The following SAMD13 variants were observed in gnomAD, a reference collection of about 807,000 sequenced individuals.
SAMD13 encodes sterile alpha motif domain-containing protein 13.
In SAMD13, 9 loss-of-function variants were observed where a neutral mutation model predicts 12.4. The observed-to-expected ratio is 0.72, with a 90% CI of 0.44 to 1.26. The LOEUF (loss-of-function observed/expected upper bound fraction) is 1.26. Among genes scored for constraint, SAMD13 ranks in the 50% most tolerant of loss-of-function variants. The pLI is 0.00. For synonymous variants in SAMD13, 46 were observed against 45.4 expected (o/e 1.01, Z -0.05); for missense variants, 84 against 119.6 (o/e 0.70, Z 1.39).
At chr1:84,335,781 T>A (rs921262816) in intron 3 of SAMD13, among the ~76,000 whole-genome samples, 8 of 152,282 alleles carry the variant, frequency 5.3e-5, no homozygotes, top group African/African-American at 1.2e-4. Flanking sequence ...CTGAAAAGGA[T>A]CTTATTTCTC....
At chr1:84,316,822 A>G (rs183581241) in intron 2 of SAMD13, among the ~76,000 whole-genome samples, 1 of 152,246 alleles carries the variant, frequency 6.6e-6, no homozygotes, top group African/African-American at 2.4e-5. Flanking sequence ...AATTATAACA[A>G]TATTAAATCT....
At chr1:84,349,525 G>C in intron 3 of SAMD13, 106 bp from the exon 4 acceptor site, 1 of 1,495,150 alleles carries the variant, frequency 6.7e-7, no homozygotes, top group East Asian at 2.3e-5. Context: ...AATGTTTTTA[G>C]CTTGGGCACA....
chr1:84,342,324 C>T (rs1473481545), intron 3 of SAMD13, among the ~76,000 whole-genome samples: 1 of 152,028 alleles, frequency 6.6e-6, no homozygotes, highest in Non-Finnish European at 1.5e-5. Context: ...CATTGAAAGA[C>T]CCTTCACAGA....
chr1:84,303,638 A>C (rs1035285505), intron 2 of SAMD13: 1 of 172,198 alleles, frequency 5.8e-6, no homozygotes, highest in Non-Finnish European at 1.3e-5. Flanking sequence ...ATAGAGTTCA[A>C]ATTTTTTTTT....
intron 3 of SAMD13, among the ~76,000 whole-genome samples, chr1:84,347,823 A>G (rs1679564614): frequency 6.6e-6 from 1 of 152,182 alleles, no homozygotes; most frequent in Admixed American, 6.5e-5. Flanking sequence ...ACTAATCAGC[A>G]ATCTCTAGGA....
At position 84,311,491 on chromosome 1, in the gene SAMD13, A is replaced by G. The variant is rs1172486614; in HGVS notation, c.53+8204A>G. Among the ~76,000 whole-genome samples the G allele has an allele frequency of 3.3e-5, 5 of 152,342 alleles. No individual in the cohort carries two copies. In the East Asian group the frequency reaches 9.6e-4, roughly 29 times the overall value. On this transcript the variant is annotated intron_variant, in intron 2 of 3. Coordinates refer to ENST00000394834, the MANE Select transcript of SAMD13 (RefSeq NM_001134663.2). ...CAACGTGCATTGGCAAAGAACACAG[A>G]TTATTACATTCACTGTCTTCTATTT... is the stretch of plus-strand genomic sequence containing the variant.
At chr1:84,310,265 A>AG (rs1678680627) in intron 2 of SAMD13, among the ~76,000 whole-genome samples, 1 of 152,136 alleles carries the variant, frequency 6.6e-6, no homozygotes, top group Admixed American at 6.6e-5. Flanking sequence ...CACTTATAGT[A>AG]GGGGGGTTCA....
intron 3 of SAMD13, among the ~76,000 whole-genome samples, chr1:84,331,684 T>G (rs1679189993): frequency 6.6e-6 from 1 of 152,104 alleles, no homozygotes; most frequent in African/African-American, 2.4e-5. Flanking sequence ...ATGCTAGCAA[T>G]AAGAAAGCAG....
At chr1:84,311,262 G>C (rs1678702997) in intron 2 of SAMD13, among the ~76,000 whole-genome samples, 1 of 150,950 alleles carries the variant, frequency 6.6e-6, no homozygotes, top group Non-Finnish European at 1.5e-5. Context: ...CTTGAACCCA[G>C]GAGGCAGAGG....
chr1:84,346,858 A>G (rs1295447215), intron 3 of SAMD13, among the ~76,000 whole-genome samples: 2 of 152,226 alleles, frequency 1.3e-5, no homozygotes, highest in African/African-American at 4.8e-5. Context: ...GAGCCTAAAT[A>G]GGAACATGCC....
At chr1:84,337,489 G>T (rs569458016) in intron 3 of SAMD13, among the ~76,000 whole-genome samples, 1 of 152,270 alleles carries the variant, frequency 6.6e-6, no homozygotes, top group African/African-American at 2.4e-5. Flanking sequence ...GCTCTACATT[G>T]GTCCCTTTCA....
upstream of SAMD13, among the ~76,000 whole-genome samples, chr1:84,300,643 T>C (rs1678435920): frequency 6.6e-6 from 1 of 152,180 alleles, no homozygotes; most frequent in Non-Finnish European, 1.5e-5. Context: ...TTGATTGATG[T>C]TTATTTCAAT....
At chr1:84,314,655 C>A (rs894547849) in intron 2 of SAMD13, among the ~76,000 whole-genome samples, 7 of 151,982 alleles carry the variant, frequency 4.6e-5, no homozygotes, top group African/African-American at 1.7e-4. Context: ...TGCTCTTCTT[C>A]CCAAAAAAAC....
intron 2 of SAMD13, chr1:84,303,700 G>T: frequency 6.4e-6 from 1 of 157,048 alleles, no homozygotes; most frequent in Admixed American, 6.1e-5. Context: ...GTGCAGGAAG[G>T]GAAAAAGCTT....
intron 2 of SAMD13, among the ~76,000 whole-genome samples, chr1:84,307,950 C>T (rs755340181): frequency 5.5e-4 from 84 of 152,114 alleles, no homozygotes; most frequent in Non-Finnish European, 1.1e-3. Context: ...TCCTCATATG[C>T]AGGTGCTGAT....
intron 3 of SAMD13, among the ~76,000 whole-genome samples, chr1:84,348,129 A>G (rs2101823902): frequency 6.6e-6 from 1 of 152,334 alleles, no homozygotes; most frequent in East Asian, 1.9e-4. Context: ...AGGGATAATG[A>G]CAAGTGATTG....
intron 3 of SAMD13, among the ~76,000 whole-genome samples, chr1:84,327,909 G>A (rs551259346): frequency 2.6e-5 from 4 of 152,186 alleles, no homozygotes; most frequent in Admixed American, 6.5e-5. Context: ...AAAGTGGAAG[G>A]CCGCTGATCA....
At chr1:84,333,077 C>T (rs1311492460) in intron 3 of SAMD13, among the ~76,000 whole-genome samples, 2 of 151,842 alleles carry the variant, frequency 1.3e-5, no homozygotes, top group African/African-American at 4.8e-5. Flanking sequence ...TAGTCTGTTA[C>T]ATTGGTCTAT....
chr1:84,331,328 T>TAAA lies in SAMD13; in HGVS notation c.165+5608_165+5610dup, dbSNP rs1178046260. Reference sequence around the variant, plus strand: ...ATGCAATTCTAACAGCCCTCCTTGGTAAAAAAAAAAAAAAAAAAAAAAAAA... The same window carrying TAAA: ...ATGCAATTCTAACAGCCCTCCTTGGTAAAAAAAAAAAAAAAAAAAAAAAAAAAA... On this transcript the variant is annotated intron_variant, in intron 3 of 3. Coordinates refer to ENST00000394834, the MANE Select transcript of SAMD13 (RefSeq NM_001134663.2). Among the ~76,000 whole-genome samples, 51 of 15,180 alleles carry TAAA rather than the reference T, an allele frequency of 3.4e-3. 1 individual carries two copies. The highest frequency in any genetic ancestry group is 0.01 in the African/African-American group (48 of 4,648). The allele number at this position is 15,180 out of a possible 152,430, so 10.0% of individuals were successfully genotyped here.
Sources: allele counts gnomAD v4.1 joint callset (sites outside exome capture counted in the v4.1 genomes callset), GRCh38; gene constraint gnomAD v4.1.1; transcripts MANE v1.5; gene names NCBI Gene and HGNC (gene_info 2026-07-23, HGNC 2026-07-21).